MDM2: variants seen among roughly 807,000 people sequenced by gnomAD.
The protein encoded by MDM2 is E3 ubiquitin-protein ligase Mdm2.
Under a neutral mutation model 64.3 loss-of-function variants are expected in MDM2, and 11 were observed. That is an observed-to-expected ratio of 0.17 (90% CI 0.11 to 0.28). The LOEUF (loss-of-function observed/expected upper bound fraction) is 0.28. Ranked by LOEUF, MDM2 falls within the 10% of genes least tolerant of loss-of-function variation. The pLI is 1.00. For synonymous variants in MDM2, 194 were observed against 192.9 expected, an observed-to-expected ratio of 1.01 and a Z score of -0.05; for missense variants, 388 against 577.1, an observed-to-expected ratio of 0.67 and a Z score of 3.36.
intron 1 of MDM2, chr12:68,808,945 A>C: frequency 7.2e-7 from 1 of 1,381,402 alleles, no homozygotes; most frequent in South Asian, 1.8e-5. Flanking sequence ...ACACGTTCCG[A>C]AACTGCAGTA....
At chr12:68,830,445 G>T (rs1882702297) in intron 8 of MDM2, among the ~76,000 whole-genome samples, 1 of 152,194 alleles carries the variant, frequency 6.6e-6, no homozygotes, top group African/African-American at 2.4e-5. Context: ...CTGAGAGCAG[G>T]TTCTTCATTT....
intron 8 of MDM2, among the ~76,000 whole-genome samples, chr12:68,830,015 G>A (rs1882668559): frequency 6.6e-6 from 1 of 152,084 alleles, no homozygotes; most frequent in Non-Finnish European, 1.5e-5. Context: ...GGATGGCTTT[G>A]AATGTGGCCC....
chr12:68,809,168 A>G, intron 1 of MDM2, 40 bp from the exon 2 acceptor site: 1 of 1,605,738 alleles, frequency 6.2e-7, no homozygotes, highest in Non-Finnish European at 8.5e-7. Context: ...CAGATGTTTC[A>G]TGATTTCCAG....
intron 4 of MDM2, 175 bp downstream of exon 4, chr12:68,817,120 T>C (rs1206747076): frequency 4.8e-6 from 3 of 629,582 alleles, no homozygotes; most frequent in African/African-American, 3.9e-5. Flanking sequence ...TGGCATCTTA[T>C]AAACCAGTGT....
chr12:68,849,414 GT>G (rs1399413681), downstream of MDM2: 39 of 141,056 alleles, frequency 2.8e-4, no homozygotes, highest in African/African-American at 9.4e-4. Context: ...TGTTGTTGTT[GT>G]TTGTTCGTTT....
Position 68,811,998 on chromosome 12 carries a change from G to A in MDM2, c.100-1556G>A, listed in dbSNP as rs372628438. 8.6e-5 allele frequency among the ~76,000 whole-genome samples: 13 copies of A among 151,924 alleles called. No individual in the cohort carries two copies. The East Asian group carries it at 2.3e-3, about 27-fold the overall frequency. On this transcript the variant is annotated intron_variant, in intron 2 of 10. Coordinates refer to ENST00000258149, the MANE Select transcript of MDM2 (RefSeq NM_002392.6). ...TGACCTCAGGTGATCTGCCTGCCTCGGCCTCCCAAAGTGCTGGGATTACAG... is the reference window on the plus strand; with the variant it reads ...TGACCTCAGGTGATCTGCCTGCCTCAGCCTCCCAAAGTGCTGGGATTACAG...
At chr12:68,835,778 A>G (rs771373241) in intron 8 of MDM2, 51 bp from the exon 9 acceptor site, 4 of 1,538,434 alleles carry the variant, frequency 2.6e-6, no homozygotes, top group Non-Finnish European at 3.5e-6. Context: ...AAACAGATAC[A>G]GAGGTCAAGA....
Position 68,840,004 on chromosome 12 carries a change from T to A in MDM2, c.*155T>A. ...TAATTGACCTACTTTGGTAGTGGAA[T>A]AGTGAATACTTACTATAATTTGACT... On this transcript the variant is annotated 3_prime_UTR_variant, in exon 11 of 11. Transcript: ENST00000258149. 1 of 631,638 alleles carries A rather than the reference T, an allele frequency of 1.6e-6. No homozygotes were observed. The highest frequency in any genetic ancestry group is 2.6e-6 in the Non-Finnish European group (1 of 378,254). The allele number at this position is 631,638 out of a possible 1,614,324, so 39.1% of individuals were successfully genotyped here. A position where few individuals can be genotyped will look rare whatever the true frequency, so the allele number is the denominator to read the frequency against.
At chr12:68,809,770 A>T (rs945421718) in intron 2 of MDM2, among the ~76,000 whole-genome samples, 3 of 152,206 alleles carry the variant, frequency 2.0e-5, no homozygotes, top group Admixed American at 6.5e-5. Flanking sequence ...AATCTATGTT[A>T]TTGTCCTGTT....
chr12:68,838,393 A>G (rs749540448), intron 10 of MDM2, among the ~76,000 whole-genome samples: 13 of 152,214 alleles, frequency 8.5e-5, no homozygotes, highest in Admixed American at 5.9e-4. Flanking sequence ...GGGAAAAGGA[A>G]GAAGCATTGA....
chr12:68,813,658 T>C, intron 3 of MDM2, 30 bp downstream of exon 3: 1 of 1,506,646 alleles, frequency 6.6e-7, no homozygotes, highest in Non-Finnish European at 9.2e-7. Context: ...AAGTAGTATC[T>C]CACTAGTTAC....
intron 7 of MDM2, among the ~76,000 whole-genome samples, chr12:68,825,683 G>A (rs3730580): frequency 3.5e-4 from 53 of 152,292 alleles, no homozygotes; most frequent in Non-Finnish European, 5.9e-4. Context: ...AGTTGACAGA[G>A]AGAAAATAGT....
chr12:68,835,569 T>G (rs535354116), intron 8 of MDM2, among the ~76,000 whole-genome samples: 2 of 152,368 alleles, frequency 1.3e-5, no homozygotes, highest in East Asian at 3.9e-4. Flanking sequence ...GTAATAACCT[T>G]GAAACCTTAA....
At position 68,808,235 on chromosome 12, in the gene MDM2, T is replaced by C. The variant is rs3730492; in HGVS notation, c.-243T>C. On this transcript the variant is annotated 5_prime_UTR_variant, in exon 1 of 11. Transcript: ENST00000258149. ...TGCTTCTGGGGCCTGTGTGGCCCTG[T>C]GTGTCGGAAAGATGGAGCAAGAAGC... is the stretch of plus-strand genomic sequence containing the variant. 2 of 579,928 alleles carry C rather than the reference T, an allele frequency of 3.4e-6. No homozygotes were observed. The highest frequency in any genetic ancestry group is 2.0e-5 in the South Asian group (1 of 49,376). 35.9% of individuals were successfully genotyped at this position (579,928 alleles called of 1,614,324 possible). A position where few individuals can be genotyped will look rare whatever the true frequency, so the allele number is the denominator to read the frequency against.
At chr12:68,828,606 C>T (rs981351574) in intron 7 of MDM2, 165 bp from the exon 8 acceptor site, 2 of 576,554 alleles carry the variant, frequency 3.5e-6, no homozygotes, top group South Asian at 2.3e-5. Flanking sequence ...TAAATAAATA[C>T]ACACAGATAG....
At position 68,808,261 on chromosome 12, in the gene MDM2, C is replaced by T. The variant is rs912981128; in HGVS notation, c.-217C>T. Reference sequence around the variant, plus strand: ...GTGTCGGAAAGATGGAGCAAGAAGCCGAGCCCGAGGGGCGGCCGCGACCCC... The same window carrying T: ...GTGTCGGAAAGATGGAGCAAGAAGCTGAGCCCGAGGGGCGGCCGCGACCCC... On this transcript the variant is annotated 5_prime_UTR_variant, in exon 1 of 11. Transcript: ENST00000258149. 1 of 604,350 alleles carries T rather than the reference C, an allele frequency of 1.7e-6. No individual in the cohort carries two copies. Among genetic ancestry groups the T allele is most frequent in the East Asian group, 3.0e-5 (1 of 33,776 alleles). 37.4% of individuals were successfully genotyped at this position (604,350 alleles called of 1,614,324 possible). A position where few individuals can be genotyped will look rare whatever the true frequency, so the allele number is the denominator to read the frequency against.
intron 9 of MDM2, 53 bp downstream of exon 9, chr12:68,836,037 A>G (rs1023802046): frequency 1.1e-4 from 158 of 1,409,552 alleles, no homozygotes; most frequent in Middle Eastern, 8.5e-4. Context: ...AATATTTTCT[A>G]TGTTCATTGA....
chr12:68,845,629 C>A (rs999738415), downstream of MDM2: 1 of 176,824 alleles, frequency 5.7e-6, no homozygotes, highest in African/African-American at 2.4e-5. Context: ...AAAAAAAATT[C>A]GATAGGCATT....
In MDM2 at chr12:68,844,812, GC is replaced by G. The variant is rs1458189099; in HGVS notation, c.*4964del. ...GACGGAGTCTTGCTCTGTGGCTCAG[GC>G]TGGAGTACAGTGGTGCAATCTTGGC... is the stretch of plus-strand genomic sequence containing the variant. On this transcript the variant is annotated 3_prime_UTR_variant, in exon 11 of 11. Coordinates refer to ENST00000258149, the MANE Select transcript of MDM2 (RefSeq NM_002392.6). 5.0e-6 allele frequency: 1 copy of G among 200,702 alleles called. No individual in the cohort carries two copies. The allele number at this position is 200,702 out of a possible 1,614,324, so 12.4% of individuals were successfully genotyped here.
Sources: gnomAD v4.1 joint callset for allele counts (sites outside exome capture counted in the v4.1 genomes callset) on GRCh38, gnomAD v4.1.1 for gene constraint, MANE v1.5 for transcripts, NCBI Gene and HGNC (gene_info 2026-07-23, HGNC 2026-07-21) for gene names.